The following FNBP1 variants were observed in gnomAD, a reference collection of about 807,000 sequenced individuals.
FNBP1 encodes formin binding protein 1, also known as formin-binding protein 1.
FNBP1 carries 26 observed loss-of-function variants against 90.6 expected under a neutral mutation model. The ratio of observed to expected loss-of-function variants is 0.29; its 90% CI spans 0.21 to 0.40. The LOEUF is 0.40. Ranked by LOEUF, FNBP1 falls within the 10% of genes least tolerant of loss-of-function variation. FNBP1 has a pLI of 1.00. For synonymous variants in FNBP1, 260 were observed against 265.2 expected (o/e 0.98, Z 0.19); for missense variants, 635 against 768.0 (o/e 0.83, Z 2.05).
intron 12 of FNBP1, among the ~76,000 whole-genome samples, chr9:129,905,888 T>G (rs80074029): frequency 0.074 from 10,973 of 148,268 alleles, 500 homozygotes; most frequent in Middle Eastern, 0.15. Flanking sequence ...TCTTTTTTTT[T>G]TTGTTTTTTT....
Position 130,042,769 on chromosome 9 carries a change from C to T in FNBP1, c.24+183G>A, listed in dbSNP as rs994852212. ...CGCCTCCGAAGGACAAGCCGGCCCG[C>T]ACCTCCTGCTCGGGCCAAGGCGGAC... On this transcript the variant is annotated intron_variant, in intron 1 of 16. Transcript: ENST00000446176. This position sits in a 1 kb window ranked among gnomAD's most constrained non-coding sequence, Gnocchi z 5.5. Among the ~76,000 whole-genome samples the T allele has an allele frequency of 6.6e-6, 1 of 151,812 alleles. No individual in the cohort carries two copies. Among genetic ancestry groups the T allele is most frequent in the Non-Finnish European group, 1.5e-5 (1 of 67,914 alleles).
intron 4 of FNBP1, 74 bp downstream of exon 4, chr9:129,978,391 T>C (rs1436414937): frequency 7.9e-7 from 1 of 1,263,210 alleles, no homozygotes; most frequent in Non-Finnish European, 1.1e-6. Context: ...TTTTATTTAA[T>C]TTTAATCTTC....
At position 129,972,603 on chromosome 9, in the gene FNBP1, C is replaced by T. The variant is rs150600982; in HGVS notation, c.345+5862G>A. ...CTAAAGTGCAATGGCATGATCTCCG[C>T]TCACAGCAACCTCTGCCTCCCAGGT... On this transcript the variant is annotated intron_variant, in intron 4 of 16. Coordinates refer to ENST00000446176, the MANE Select transcript of FNBP1 (RefSeq NM_015033.3). Among the ~76,000 whole-genome samples the T allele has an allele frequency of 3.1e-3, 476 of 151,592 alleles. 2 individuals are homozygous for T. The highest frequency in any genetic ancestry group is 7.7e-3 in the Admixed American group (117 of 15,190).
chr9:129,890,415 GC>G lies in FNBP1; in HGVS notation c.*123del, dbSNP rs201974822. On this transcript the variant is annotated 3_prime_UTR_variant, in exon 17 of 17. Transcript: ENST00000446176. The surrounding 1 kb of genome is among the most constrained non-coding windows in gnomAD (Gnocchi z 5.8). ...AGCATGCTGGAGAGAGAGAGAGACCGCCCCGCAGGGATGGGGCTGCGGAGGG... is the reference window on the plus strand; with the variant it reads ...AGCATGCTGGAGAGAGAGAGAGACCGCCCGCAGGGATGGGGCTGCGGAGGG... 0.08 allele frequency: 60,749 copies of G among 760,058 alleles called. 2,701 individuals carry two copies. The highest frequency in any genetic ancestry group is 0.13 in the Middle Eastern group (351 of 2,760). The allele number at this position is 760,058 out of a possible 1,614,324, so 47.1% of individuals were successfully genotyped here. A position where few individuals can be genotyped will look rare whatever the true frequency, so the allele number is the denominator to read the frequency against.
intron 1 of FNBP1, among the ~76,000 whole-genome samples, chr9:129,996,538 G>A (rs923816172): frequency 6.6e-6 from 1 of 152,204 alleles, no homozygotes; most frequent in South Asian, 2.1e-4. Flanking sequence ...CCTGTAAGAC[G>A]CAGCTATAAT....
At chr9:129,961,828 C>T (rs1397216030) in intron 4 of FNBP1, among the ~76,000 whole-genome samples, 3 of 152,156 alleles carry the variant, frequency 2.0e-5, no homozygotes, top group East Asian at 1.9e-4. Context: ...TCAAGTGATC[C>T]GCTTGCCTCG....
chr9:129,999,632 G>T (rs562453987), intron 1 of FNBP1, among the ~76,000 whole-genome samples: 1 of 151,788 alleles, frequency 6.6e-6, no homozygotes, highest in South Asian at 2.1e-4. Flanking sequence ...ATTCCGAAGA[G>T]CTTTTGTGTG....
At chr9:129,902,387 C>T in intron 13 of FNBP1, among the ~76,000 whole-genome samples, 1 of 152,132 alleles carries the variant, frequency 6.6e-6, no homozygotes, top group East Asian at 1.9e-4. Context: ...GGCTTAAGGC[C>T]AGGAGTTCAA....
chr9:129,994,998 T>G (rs769840341), intron 1 of FNBP1, 40 bp from the exon 2 acceptor site: 1 of 900,258 alleles, frequency 1.1e-6, no homozygotes, highest in East Asian at 2.5e-5. Flanking sequence ...GGTCTTTCCC[T>G]GTGATTAACA....
intron 16 of FNBP1, among the ~76,000 whole-genome samples, chr9:129,891,106 G>C (rs2035057777): frequency 6.7e-6 from 1 of 149,622 alleles, no homozygotes; most frequent in African/African-American, 2.5e-5. Flanking sequence ...AGTGAGCTGA[G>C]ATCGGGCCAC....
At chr9:129,994,122 T>C (rs888563096) in intron 2 of FNBP1, among the ~76,000 whole-genome samples, 1 of 152,130 alleles carries the variant, frequency 6.6e-6, no homozygotes, top group African/African-American at 2.4e-5. Flanking sequence ...CCTTGTACAA[T>C]AATGCTCGTT....
At chr9:129,998,511 C>G (rs1385723581) in intron 1 of FNBP1, among the ~76,000 whole-genome samples, 1 of 150,984 alleles carries the variant, frequency 6.6e-6, no homozygotes, top group African/African-American at 2.4e-5. Flanking sequence ...CAAAACTCCA[C>G]CTCAAAAAAA....
At chr9:129,980,997 G>A (rs1156868598) in intron 2 of FNBP1, among the ~76,000 whole-genome samples, 1 of 147,648 alleles carries the variant, frequency 6.8e-6, no homozygotes, top group African/African-American at 2.5e-5. Context: ...CTTGCAGTGA[G>A]CTGAGATCGC....
At chr9:130,009,545 G>GT (rs1445253362) in intron 1 of FNBP1, among the ~76,000 whole-genome samples, 1 of 152,044 alleles carries the variant, frequency 6.6e-6, no homozygotes, top group Non-Finnish European at 1.5e-5. Flanking sequence ...ACTCACGCCT[G>GT]TAATTCCAGC....
chr9:129,941,685 G>A (rs558062446), intron 6 of FNBP1, among the ~76,000 whole-genome samples: 39 of 152,092 alleles, frequency 2.6e-4, no homozygotes, highest in Admixed American at 1.5e-3. Flanking sequence ...GCCTGGTCTC[G>A]AACTCCTGGG....
chr9:129,985,409 C>T (rs2052003245), intron 2 of FNBP1, among the ~76,000 whole-genome samples: 1 of 152,142 alleles, frequency 6.6e-6, no homozygotes, highest in African/African-American at 2.4e-5. Flanking sequence ...AATCATGAAA[C>T]AAGGAGAGTA....
At chr9:129,947,439 T>TAAAAAAAAAAAA (rs1306560981) in intron 6 of FNBP1, among the ~76,000 whole-genome samples, 1 of 113,442 alleles carries the variant, frequency 8.8e-6, no homozygotes, top group African/African-American at 3.8e-5. Context: ...AAACTCCGTC[T>TAAAAAAAAAAAA]CAAAAAAAAA....
Position 129,899,949 on chromosome 9 carries a change from A to T in FNBP1, c.1687+16T>A. 6.4e-7 allele frequency: 1 copy of T among 1,563,062 alleles called. No individual in the cohort carries two copies. Among genetic ancestry groups the T allele is most frequent in the Non-Finnish European group, 8.7e-7 (1 of 1,154,358 alleles). ...TTTATAAAAGGCAGGGGAATCCAGCAGACATGAAATGTCACCTTCAAATGT... is the reference window on the plus strand; with the variant it reads ...TTTATAAAAGGCAGGGGAATCCAGCTGACATGAAATGTCACCTTCAAATGT... On this transcript the variant is annotated intron_variant, in intron 15 of 16. Transcript: ENST00000446176.
intron 4 of FNBP1, 49 bp downstream of exon 4, chr9:129,978,416 C>T (rs757946716): frequency 3.6e-5 from 54 of 1,483,638 alleles, no homozygotes; most frequent in Non-Finnish European, 4.9e-5. Flanking sequence ...GATATTCCCA[C>T]TGTGTTTGGT....
Sources: gnomAD v4.1 joint callset for allele counts (sites outside exome capture counted in the v4.1 genomes callset) on GRCh38, gnomAD v4.1.1 for gene constraint, Gnocchi (gnomAD v3.1) non-coding constraint, MANE v1.5 for transcripts, NCBI Gene and HGNC (gene_info 2026-07-23, HGNC 2026-07-21) for gene names.